OR2AT4: variants seen among roughly 807,000 people sequenced by gnomAD.
OR2AT4 encodes olfactory receptor 2AT4.
OR2AT4 carries 6 observed loss-of-function variants against 10.3 expected under a neutral mutation model. The ratio of observed to expected loss-of-function variants is 0.58; its 90% confidence interval spans 0.32 to 1.15. OR2AT4 has a LOEUF of 1.15. OR2AT4 is among the 50% of genes most tolerant of loss of function. The pLI, the probability that OR2AT4 is intolerant of heterozygous loss-of-function variation, is 0.05. For synonymous variants in OR2AT4, 145 were observed against 159.1 expected, an observed-to-expected ratio of 0.91 and a Z score of 0.67; for missense variants, 354 against 393.8, an observed-to-expected ratio of 0.90 and a Z score of 0.85.
chr11:75,088,772 T>C (rs1218475732), exon 2 of OR2AT4: 1 of 1,569,670 alleles, frequency 6.4e-7, no homozygotes, highest in Non-Finnish European at 8.6e-7. Flanking sequence ...TGTCACAGCC[T>C]GGGTCTTGAG....
chr11:75,086,962 A>G (rs529970725), exon 2 of OR2AT4: 1 of 152,332 alleles, frequency 6.6e-6, no homozygotes, highest in African/African-American at 2.4e-5. Context: ...TACATTATGT[A>G]ACCTTTTTAG....
chr11:75,093,810 C>CTTTTTTTTTTTTTT (rs556380402), intron 1 of OR2AT4, among the ~76,000 whole-genome samples: 8 of 61,808 alleles, frequency 1.3e-4, no homozygotes, highest in African/African-American at 2.8e-4. Context: ...TTTTCTTTTT[C>CTTTTTTTTTTTTTT]TTTTTTTTTT....
exon 2 of OR2AT4, chr11:75,089,434 C>A: frequency 1.2e-6 from 2 of 1,614,072 alleles, no homozygotes; most frequent in Non-Finnish European, 1.7e-6. Flanking sequence ...AGGAAGCGGT[C>A]CCCAAGCAAG....
At chr11:75,086,554 T>C (rs1198225039) in exon 2 of OR2AT4, 2 of 152,104 alleles carry the variant, frequency 1.3e-5, no homozygotes, top group Non-Finnish European at 2.9e-5. Flanking sequence ...AAAAAAGATA[T>C]ATGGATAGAA....
rs138477818 is a variant in OR2AT4, at chr11:75,095,619, T to A, written c.-652+1209A>T. Among the ~76,000 whole-genome samples the A allele has an allele frequency of 2.2e-3, 338 of 151,828 alleles. 2 individuals carry two copies. The highest frequency in any genetic ancestry group is 7.7e-3 in the African/African-American group (318 of 41,440). On this transcript the variant is annotated intron_variant, in intron 1 of 1. Coordinates refer to ENST00000641504, the Ensembl canonical transcript of OR2AT4. ...TTTCCAACTTGCCTTGTTTTGCTGA[T>A]AAATCATCAAATAGGAATGAAGGGG...
chr11:75,095,496 A>G (rs1949342495), intron 1 of OR2AT4, among the ~76,000 whole-genome samples: 1 of 151,934 alleles, frequency 6.6e-6, no homozygotes, highest in South Asian at 2.1e-4. Flanking sequence ...TTATGTGTCC[A>G]CCACACCAGG....
At chr11:75,088,466 TG>T in exon 2 of OR2AT4, 1 of 240,378 alleles carries the variant, frequency 4.2e-6, no homozygotes, top group Non-Finnish European at 7.9e-6. Flanking sequence ...TTTATTGAAA[TG>T]TTTATTTCAA....
chr11:75,093,488 A>C (rs1341684295), intron 1 of OR2AT4, among the ~76,000 whole-genome samples: 1 of 152,236 alleles, frequency 6.6e-6, no homozygotes, highest in Admixed American at 6.5e-5. Context: ...TCAAGGAAGA[A>C]GAGATGTGTG....
At chr11:75,089,323 T>C (rs753366886) in exon 2 of OR2AT4, 1 of 1,614,112 alleles carries the variant, frequency 6.2e-7, no homozygotes, top group Non-Finnish European at 8.5e-7. Context: ...GGGTGGCAGA[T>C]AGCCACATAG....
chr11:75,089,228 G>A (rs771314400), exon 2 of OR2AT4: 1 of 1,614,206 alleles, frequency 6.2e-7, no homozygotes, highest in Non-Finnish European at 8.5e-7. Context: ...CTACTGCTGG[G>A]ATGGGCAGGA....
intron 1 of OR2AT4, among the ~76,000 whole-genome samples, chr11:75,093,116 T>C (rs1269246500): frequency 6.6e-6 from 1 of 152,108 alleles, no homozygotes; most frequent in Non-Finnish European, 1.5e-5. Flanking sequence ...AATAAATAAA[T>C]GTTTTTTGTC....
chr11:75,084,329 T>C (rs1409091362), exon 2 of OR2AT4: 1 of 152,208 alleles, frequency 6.6e-6, no homozygotes, highest in Non-Finnish European at 1.5e-5. Flanking sequence ...AACCTGCATG[T>C]GTACCCCCTG....
intron 1 of OR2AT4, among the ~76,000 whole-genome samples, chr11:75,095,368 C>G (rs1565515693): frequency 6.6e-6 from 1 of 152,194 alleles, no homozygotes; most frequent in Non-Finnish European, 1.5e-5. Flanking sequence ...TCAAATATTA[C>G]TTCCTCCAAG....
exon 2 of OR2AT4, chr11:75,087,447 G>A (rs1009403345): frequency 6.6e-6 from 1 of 152,148 alleles, no homozygotes; most frequent in African/African-American, 2.4e-5. Flanking sequence ...CTAGCTGGGG[G>A]TAGTGGTGCA....
At chr11:75,082,529 C>T (rs1033486115) in exon 2 of OR2AT4, 2 of 152,002 alleles carry the variant, frequency 1.3e-5, no homozygotes, top group South Asian at 2.1e-4. Context: ...GCACCCCTAC[C>T]TTTCACCATA....
intron 1 of OR2AT4, 138 bp from the exon 2 acceptor site, chr11:75,090,502 C>T (rs1949316269): frequency 6.6e-6 from 1 of 152,180 alleles, no homozygotes; most frequent in South Asian, 2.1e-4. Context: ...AAGGCAAACT[C>T]CAATGGGTGG....
At chr11:75,089,431 G>C (rs199686791) in exon 2 of OR2AT4, 2 of 1,614,036 alleles carry the variant, frequency 1.2e-6, no homozygotes, top group Middle Eastern at 1.6e-4. Flanking sequence ...CTGAGGAAGC[G>C]GTCCCCAAGC....
exon 2 of OR2AT4, chr11:75,086,938 T>C (rs1426803835): frequency 6.6e-6 from 1 of 152,194 alleles, no homozygotes; most frequent in Non-Finnish European, 1.5e-5. Context: ...CAGAATGTCA[T>C]ACAGTTAAAA....
exon 2 of OR2AT4, chr11:75,089,113 T>C (rs1392435020): frequency 6.2e-7 from 1 of 1,613,526 alleles, no homozygotes. Context: ...CCCATGAGGG[T>C]CTGGGGGGTG....
Sources: allele counts gnomAD v4.1 joint callset (sites outside exome capture counted in the v4.1 genomes callset), GRCh38; gene constraint gnomAD v4.1.1; transcripts MANE v1.5; gene names NCBI Gene and HGNC (gene_info 2026-07-23, HGNC 2026-07-21).